Variants in MOGS observed in about 807,000 individuals in gnomAD.
The protein encoded by MOGS is epididymis secretory sperm binding protein.
MOGS carries 45 observed loss-of-function variants against 68.5 expected under a neutral mutation model. The ratio of observed to expected loss-of-function variants is 0.66; its 90% confidence interval spans 0.52 to 0.84. The LOEUF (loss-of-function observed/expected upper bound fraction) is 0.84. Ranked by LOEUF, MOGS falls within the 40% of genes least tolerant of loss-of-function variation. The probability of loss-of-function intolerance (pLI) is 0.00; values close to 1 mark genes in which losing one functional copy is unlikely to be tolerated. For synonymous variants in MOGS, 492 were observed against 461.2 expected (o/e 1.07, Z -0.86); for missense variants, 1,020 against 1,095.0 (o/e 0.93, Z 0.97).
Position 74,461,944 on chromosome 2 carries a change from T to C in MOGS, c.1845A>G (p.Ala615=). The change falls in exon 4 of 4, where the codon GCA becomes GCG. Residue 615 remains alanine, a synonymous_variant. Transcript: ENST00000448666. ...CTACCTCAGCCTCACCCAGATGCTC[T>C]GCCAGCCGCGTCAGCACACGGGCAC... ...ALGARVLTRL[A]EHLGEAEVAA... 1 of 1,614,118 alleles carries C rather than the reference T, an allele frequency of 6.2e-7. No individual in the cohort carries two copies. The highest frequency in any genetic ancestry group is 8.5e-7 in the Non-Finnish European group (1 of 1,180,012).
Position 74,461,761 on chromosome 2 carries a change from C to G in MOGS, c.2028G>C (p.Val676=), listed in dbSNP as rs1396815828. 2 of 1,614,104 alleles carry G rather than the reference C, an allele frequency of 1.2e-6. No homozygotes were observed. Among genetic ancestry groups the G allele is most frequent in the Non-Finnish European group, 1.7e-6 (2 of 1,180,050 alleles). ...PRPPQGLVRV[V]GRPQPQLQYV... is the part of the protein sequence containing the mutation. ...ACTGCAGTTGAGGTTGGGGCCGACCCACCACCCGAACGAGCCCCTGAGGGG... is the reference window on the plus strand; with the variant it reads ...ACTGCAGTTGAGGTTGGGGCCGACCGACCACCCGAACGAGCCCCTGAGGGG... The change falls in exon 4 of 4, where the codon GTG becomes GTC. Residue 676 remains valine (V), a synonymous_variant. Transcript: ENST00000448666.
At position 74,461,536 on chromosome 2, in the gene MOGS, C is replaced by T; in HGVS notation, c.2253G>A (p.Arg751=). ...AGTTGACATTGAGCCACACAGCACC[C>T]CGCCAGTAGGGGGGATCATGCTCTG... ...RNSEHDPPYW[R]GAVWLNVNYL... is the part of the protein sequence containing the mutation. The change falls in exon 4 of 4, where the codon CGG becomes CGA. Residue 751 remains arginine (R), a synonymous_variant. Coordinates refer to ENST00000448666, the MANE Select transcript of MOGS (RefSeq NM_006302.3). The T allele has an allele frequency of 6.2e-7, 1 of 1,613,986 alleles. No individual in the cohort carries two copies. The highest frequency in any genetic ancestry group is 1.7e-5 in the Admixed American group (1 of 60,016).
chr2:74,463,562 G>A, intron 2 of MOGS, 176 bp from the exon 3 acceptor site: 1 of 662,690 alleles, frequency 1.5e-6, no homozygotes, highest in Non-Finnish European at 2.7e-6. Context: ...CAAGCGGGAT[G>A]AGATAAAGAG....
rs1024292394 is a variant in MOGS, at chr2:74,462,119, G to A, written c.1670C>T (p.Pro557Leu). 6.2e-7 allele frequency: 1 copy of A among 1,614,116 alleles called. No individual in the cohort carries two copies. The highest frequency in any genetic ancestry group is 8.5e-7 in the Non-Finnish European group (1 of 1,179,950). The change falls in exon 4 of 4, where the codon CCA becomes CTA. Residue 557 changes from proline (P) to leucine (L), a missense_variant. This residue lies in a region of MOGS where 181 missense variants were observed against 261.8 expected (regional missense o/e 0.69). Coordinates refer to ENST00000448666, the MANE Select transcript of MOGS (RefSeq NM_006302.3). ...WLHQSQAGPL[P>L]LSYRWRGRDP... Reference sequence around the variant, plus strand: ...CCGTCCCCGCCAGCGGTAAGATAGTGGCAGTGGGCCTGCCTGGCTCTGATG... The same window carrying A: ...CCGTCCCCGCCAGCGGTAAGATAGTAGCAGTGGGCCTGCCTGGCTCTGATG...
intron 1 of MOGS, 31 bp downstream of exon 1, chr2:74,464,865 C>CGCCT: frequency 6.3e-7 from 1 of 1,592,502 alleles, no homozygotes; most frequent in South Asian, 1.1e-5. Flanking sequence ...ATTAGGAGTC[C>CGCCT]GCCTGCCTGC....
chr2:74,464,877 C>A lies in MOGS; in HGVS notation c.352+19G>T. The A allele has an allele frequency of 6.2e-7, 1 of 1,602,584 alleles. No homozygotes were observed. Among genetic ancestry groups the A allele is most frequent in the East Asian group, 2.3e-5 (1 of 44,434 alleles). On this transcript the variant is annotated intron_variant, in intron 1 of 3. Transcript: ENST00000448666. ...CAGATTAGGAGTCCGCCTGCCTGCC[C>A]GCCCTGGGGCCCGGTTACCGGTGAG...
chr2:74,462,234 C>T lies in MOGS; in HGVS notation c.1555G>A (p.Val519Ile), dbSNP rs760243606. Reference sequence around the variant, plus strand: ...TCACCAACCTCTAGCATATGGGCTACAGGCAAAAGTAGGGTTGGGGGGTTG... The same window carrying T: ...TCACCAACCTCTAGCATATGGGCTATAGGCAAAAGTAGGGTTGGGGGGTTG... ...HANPPTLLLP[V>I]AHMLEVGDPD... The change falls in exon 4 of 4, where the codon GTA becomes ATA. Residue 519 changes from valine (V) to isoleucine (I), a missense_variant. Physicochemically the swap from Val to Ile is conservative, Grantham distance 29 (BLOSUM62 3). This residue lies in a region of MOGS where 181 missense variants were observed against 261.8 expected (regional missense o/e 0.69). Transcript: ENST00000448666. 2.5e-6 allele frequency: 4 copies of T among 1,614,052 alleles called. No homozygotes were observed. The highest frequency in any genetic ancestry group is 1.3e-5 in the African/African-American group (1 of 74,922).
At chr2:74,464,844 G>A in intron 1 of MOGS, 52 bp downstream of exon 1, 1 of 1,577,598 alleles carries the variant, frequency 6.3e-7, no homozygotes, top group Non-Finnish European at 8.6e-7. Flanking sequence ...GCTTCAAGCT[G>A]GGGCGCCCAG....
At chr2:74,464,008 G>T (rs1376449822) in intron 2 of MOGS, among the ~76,000 whole-genome samples, 1 of 143,878 alleles carries the variant, frequency 7.0e-6, no homozygotes, top group East Asian at 2.1e-4. Context: ...TGCCCAGGCT[G>T]GAGTGCAATG....
At position 74,462,162 on chromosome 2, in the gene MOGS, C is replaced by G; in HGVS notation, c.1627G>C (p.Ala543Pro). Residue 543 changes from alanine to proline, a missense_variant, in exon 4 of 4, where the codon GCC becomes CCC. Physicochemically the swap from Ala to Pro is conservative, Grantham distance 27. Coordinates refer to ENST00000448666, the MANE Select transcript of MOGS (RefSeq NM_006302.3). ...CTCTGATGGAGCCAGGAAAACCAGGCATGCAGGCGGGGCAAGGCCTTTCGG... is the reference window on the plus strand; with the variant it reads ...CTCTGATGGAGCCAGGAAAACCAGGGATGCAGGCGGGGCAAGGCCTTTCGG... ...FLRKALPRLH[A>P]WFSWLHQSQA... is the part of the protein sequence containing the mutation. The G allele has an allele frequency of 6.2e-7, 1 of 1,614,128 alleles. No individual in the cohort carries two copies. The highest frequency in any genetic ancestry group is 8.5e-7 in the Non-Finnish European group (1 of 1,179,968).
At position 74,465,048 on chromosome 2, in the gene MOGS, C is replaced by A. The variant is rs751951996; in HGVS notation, c.200G>T (p.Arg67Leu). 1.3e-6 allele frequency: 2 copies of A among 1,555,640 alleles called. No homozygotes were observed. Among genetic ancestry groups the A allele is most frequent in the Non-Finnish European group, 1.7e-6 (2 of 1,150,640 alleles). ...MSGRWVLAWYRARRAVTLHSA... is the reference protein window; with the variant it reads ...MSGRWVLAWYLARRAVTLHSA... ...GTGCAGCGTGACCGCCCGCCGCGCA[C>A]GGTACCACGCCAGCACCCAGCGCCC... Residue 67 changes from arginine (R) to leucine (L), a missense_variant, in exon 1 of 4, where the codon CGT (arginine) becomes CTT (leucine). Physicochemically the swap from Arg to Leu is moderately radical, Grantham distance 102 (BLOSUM62 -2). Coordinates refer to ENST00000448666, the MANE Select transcript of MOGS (RefSeq NM_006302.3).
chr2:74,463,487 C>G (rs1671986937), intron 2 of MOGS, 101 bp from the exon 3 acceptor site: 1 of 1,260,712 alleles, frequency 7.9e-7, no homozygotes, highest in African/African-American at 1.5e-5. Flanking sequence ...GAACAGTAGG[C>G]AGGGGTAATG....
chr2:74,462,909 G>A lies in MOGS; in HGVS notation c.880C>T (p.Pro294Ser), dbSNP rs548283434. Residue 294 changes from proline (P) to serine (S), a missense_variant, in exon 4 of 4, where the codon CCT (proline) becomes TCT (serine). Around this residue, in one of 3 missense-constraint regions of MOGS, gnomAD observed 569 missense variants for 571.9 expected, o/e 0.99. Transcript: ENST00000448666. ...WFQHRPPGAP[P>S]ERYLGLPGSL... is the part of the protein sequence containing the mutation. The stretch of plus-strand genomic sequence containing the variant: ...CCTGGCAAGCCGAGGTAGCGTTCAG[G>A]GGGGGCCCCTGGGGGCCGATGCTGA... 21 of 1,614,036 alleles carry A rather than the reference G, an allele frequency of 1.3e-5. No individual in the cohort carries two copies. The South Asian group carries it at 2.1e-4, about 16-fold the overall frequency.
chr2:74,461,381 C>T lies in MOGS; in HGVS notation c.2408G>A (p.Gly803Asp). The T allele has an allele frequency of 5.0e-6, 8 of 1,614,178 alleles. No homozygotes were observed. Among genetic ancestry groups the T allele is most frequent in the Non-Finnish European group, 6.8e-6 (8 of 1,180,044 alleles). ...GNVWRQYQATGFLWEQYSDRD... is the reference protein window; with the variant it reads ...GNVWRQYQATDFLWEQYSDRD... ...GTCACTGTACTGCTCCCAAAGAAAG[C>T]CTGTAGCCTGGTACTGGCGCCATAC... The change falls in exon 4 of 4, where the codon GGC becomes GAC. Residue 803 changes from glycine (G) to aspartate (D), a missense_variant. Physicochemically the swap from Gly to Asp is moderately conservative, Grantham distance 94. Transcript: ENST00000448666.
In MOGS at chr2:74,464,952, T is replaced by A; in HGVS notation, c.296A>T (p.Tyr99Phe). 6.3e-7 allele frequency: 1 copy of A among 1,594,472 alleles called. No homozygotes were observed. The highest frequency in any genetic ancestry group is 1.1e-5 in the South Asian group (1 of 88,518). Reference sequence around the variant, plus strand: ...CATGCCGAAGTAGACGTGAGGGCGGTAGGTTCCCCAGAAGAGGTCCGGGGC... The same window carrying A: ...CATGCCGAAGTAGACGTGAGGGCGGAAGGTTCCCCAGAAGAGGTCCGGGGC... ...AVAPDLFWGT[Y>F]RPHVYFGMKT... Residue 99 changes from tyrosine to phenylalanine, a missense_variant, in exon 1 of 4, where the codon TAC (tyrosine) becomes TTC (phenylalanine). By Grantham distance (22) the Tyr-to-Phe change is conservative. Coordinates refer to ENST00000448666, the MANE Select transcript of MOGS (RefSeq NM_006302.3).
chr2:74,465,360 G>C lies in MOGS; in HGVS notation c.-113C>G. ...CCCTGGCGACCACCGTCCGGTTAGC[G>C]ACACCTGCCAGCCAGCGCCTGCGCC... On this transcript the variant is annotated 5_prime_UTR_variant, in exon 1 of 4. Coordinates refer to ENST00000448666, the MANE Select transcript of MOGS (RefSeq NM_006302.3). 1.9e-6 allele frequency: 1 copy of C among 516,390 alleles called. No individual in the cohort carries two copies. Among genetic ancestry groups the C allele is most frequent in the Non-Finnish European group, 3.1e-6 (1 of 317,900 alleles). 32.0% of individuals were successfully genotyped at this position (516,390 alleles called of 1,614,324 possible).
At position 74,462,543 on chromosome 2, in the gene MOGS, C is replaced by T. The variant is rs751395514; in HGVS notation, c.1246G>A (p.Gly416Arg). The T allele has an allele frequency of 6.2e-6, 10 of 1,610,042 alleles. No individual in the cohort carries two copies. Among genetic ancestry groups the T allele is most frequent in the South Asian group, 1.1e-5 (1 of 90,908 alleles). Residue 416 changes from glycine (G) to arginine (R), a missense_variant, in exon 4 of 4, where the codon GGG becomes AGG. Coordinates refer to ENST00000448666, the MANE Select transcript of MOGS (RefSeq NM_006302.3). ...YGQGLVLPDI[G>R]VEGSEQKVDP... The stretch of plus-strand genomic sequence containing the variant: ...ACCTTCTGCTCAGACCCTTCCACCC[C>T]GATGTCTGGCAATACCAGCCCTTGT...
Position 74,463,339 on chromosome 2 carries a change from C to T in MOGS, c.627G>A (p.Val209=), listed in dbSNP as rs1671983148. ...ALPLVSLFFY[V]VTDGKEVLLP... Reference sequence around the variant, plus strand: ...GTAGGACTTCCTTGCCATCTGTCACCACATAGAAGAACAGGGAGACCAAAG... The same window carrying T: ...GTAGGACTTCCTTGCCATCTGTCACTACATAGAAGAACAGGGAGACCAAAG... Residue 209 remains valine, a synonymous_variant, in exon 3 of 4, where the codon GTG becomes GTA. Transcript: ENST00000448666. The T allele has an allele frequency of 6.2e-7, 1 of 1,614,046 alleles. No individual in the cohort carries two copies. Among genetic ancestry groups the T allele is most frequent in the South Asian group, 1.1e-5 (1 of 91,082 alleles).
At position 74,462,721 on chromosome 2, in the gene MOGS, T is replaced by C. The variant is rs374688080; in HGVS notation, c.1068A>G (p.Leu356=). 1.9e-6 allele frequency: 3 copies of C among 1,614,098 alleles called. No individual in the cohort carries two copies. The highest frequency in any genetic ancestry group is 1.3e-5 in the African/African-American group (1 of 74,936). Residue 356 remains leucine, a synonymous_variant, in exon 4 of 4, where the codon CTA becomes CTG. Coordinates refer to ENST00000448666, the MANE Select transcript of MOGS (RefSeq NM_006302.3). ...CATGGCTCTCCAGGGCCTGGGTCAG[T>C]AGACTGCCTGCCAGTCTTGGCAGGG... ...NQALPRLAGS[L]LTQALESHAE...
Sources: gnomAD v4.1 joint callset for allele counts (sites outside exome capture counted in the v4.1 genomes callset) on GRCh38, gnomAD v4.1.1 for gene constraint, gnomAD v4.1.1 regional missense constraint, MANE v1.5 for transcripts, NCBI Gene and HGNC (gene_info 2026-07-23, HGNC 2026-07-21) for gene names.